Variants in EPAS1 observed in about 807,000 individuals in gnomAD.
The protein encoded by EPAS1 is endothelial PAS domain protein 1.
A neutral mutation model predicts 87.9 loss-of-function variants in EPAS1; 23 were observed. The ratio of observed to expected loss-of-function variants is 0.26; its 90% CI spans 0.19 to 0.37. EPAS1 has a LOEUF of 0.37. Ranked by LOEUF, EPAS1 falls within the 10% of genes least tolerant of loss-of-function variation. EPAS1 has a pLI of 1.00. For synonymous variants in EPAS1, 508 were observed against 444.3 expected (o/e 1.14, Z -1.80); for missense variants, 1,138 against 1,120.7 (o/e 1.02, Z -0.22).
chr2:46,307,621 A>G (rs752819964), intron 1 of EPAS1, among the ~76,000 whole-genome samples: 1 of 152,152 alleles, frequency 6.6e-6, no homozygotes, highest in Non-Finnish European at 1.5e-5. Flanking sequence ...GTCATGGCCA[A>G]GACATCTAAA....
chr2:46,330,730 A>G (rs1021906520), intron 1 of EPAS1, among the ~76,000 whole-genome samples: 1 of 152,218 alleles, frequency 6.6e-6, no homozygotes, highest in African/African-American at 2.4e-5. Context: ...GGCTGAGGGC[A>G]CCTTGGGACA....
chr2:46,335,121 G>C (rs1246420893), intron 1 of EPAS1, among the ~76,000 whole-genome samples: 2 of 152,038 alleles, frequency 1.3e-5, no homozygotes, highest in Non-Finnish European at 2.9e-5. Context: ...GGAGAGTGAG[G>C]GATCCCGTGC....
Position 46,372,083 on chromosome 2 carries a change from C to T in EPAS1, c.886+2150C>T, listed in dbSNP as rs183558529. Among the ~76,000 whole-genome samples the T allele has an allele frequency of 2.0e-5, 3 of 152,300 alleles. No homozygotes were observed. In the East Asian group the frequency reaches 5.8e-4, roughly 29 times the overall value. ...TCTAGGGAAAATAAGGTGCTTTTTACTGAATCCGTGTATTTACTTATTAGG... is the reference window on the plus strand; with the variant it reads ...TCTAGGGAAAATAAGGTGCTTTTTATTGAATCCGTGTATTTACTTATTAGG... On this transcript the variant is annotated intron_variant, in intron 7 of 15. Transcript: ENST00000263734.
At chr2:46,304,137 T>C in intron 1 of EPAS1, among the ~76,000 whole-genome samples, 1 of 152,252 alleles carries the variant, frequency 6.6e-6, no homozygotes, top group Non-Finnish European at 1.5e-5. Context: ...TAGGAATGTA[T>C]GTGGTCTTAA....
chr2:46,363,613 AG>A (rs1480092825), intron 6 of EPAS1, among the ~76,000 whole-genome samples: 1 of 152,240 alleles, frequency 6.6e-6, no homozygotes, highest in African/African-American at 2.4e-5. Context: ...AAATGTACAT[AG>A]AAAGGGGAAA....
chr2:46,322,395 G>A (rs193013076), intron 1 of EPAS1, among the ~76,000 whole-genome samples: 35 of 152,254 alleles, frequency 2.3e-4, no homozygotes, highest in Middle Eastern at 6.8e-3. Context: ...TGTAAGTGCC[G>A]CAGGACTTAT....
At position 46,312,552 on chromosome 2, in the gene EPAS1, T is replaced by A. The variant is rs544384102; in HGVS notation, c.26+14615T>A. 1.7e-4 allele frequency among the ~76,000 whole-genome samples: 26 copies of A among 152,320 alleles called. 2 individuals carry two copies. The South Asian group carries it at 5.4e-3, about 32-fold the overall frequency. Reference sequence around the variant, plus strand: ...AAAGGGCAGACCTTCAAGGCATCATTATTAACAAGCACAGCAATATAATCA... The same window carrying A: ...AAAGGGCAGACCTTCAAGGCATCATAATTAACAAGCACAGCAATATAATCA... On this transcript the variant is annotated intron_variant, in intron 1 of 15. Transcript: ENST00000263734.
Position 46,384,657 on chromosome 2 carries a change from C to G in EPAS1, c.2610C>G (p.Thr870=). The part of the protein sequence containing the change: ...GDLLRALDQA[T] ...TCCTCAGAGCCCTGGACCAGGCCACCTGAGCCAGGCCTTCTACCTGGGCAG... is the reference window on the plus strand; with the variant it reads ...TCCTCAGAGCCCTGGACCAGGCCACGTGAGCCAGGCCTTCTACCTGGGCAG... The change falls in exon 16 of 16, where the codon ACC becomes ACG. Residue 870 remains threonine (T), a synonymous_variant. Coordinates refer to ENST00000263734, the MANE Select transcript of EPAS1 (RefSeq NM_001430.5). The G allele has an allele frequency of 6.2e-7, 1 of 1,613,668 alleles. No individual in the cohort carries two copies. The highest frequency in any genetic ancestry group is 8.5e-7 in the Non-Finnish European group (1 of 1,179,994).
At chr2:46,356,475 G>C (rs1558600392) in intron 3 of EPAS1, among the ~76,000 whole-genome samples, 173 bp downstream of exon 3, 1 of 152,146 alleles carries the variant, frequency 6.6e-6, no homozygotes, top group South Asian at 2.1e-4. Context: ...CAAGCATTGG[G>C]TTTGGCTTTG....
At position 46,377,994 on chromosome 2, in the gene EPAS1, G is replaced by A. The variant is rs200476418; in HGVS notation, c.1350G>A (p.Glu450=). 3.2e-6 allele frequency: 5 copies of A among 1,586,600 alleles called. No individual in the cohort carries two copies. Among genetic ancestry groups the A allele is most frequent in the Non-Finnish European group, 4.3e-6 (5 of 1,166,312 alleles). Residue 450 remains glutamate, a synonymous_variant, in exon 10 of 16, where the codon GAG becomes GAA. Coordinates refer to ENST00000263734, the MANE Select transcript of EPAS1 (RefSeq NM_001430.5). ...TGAGGAGCCACAGCACCCAGAGCGA[G>A]GCTGGGAGCCTGCCTGCCTTCACCG... ...TELRSHSTQS[E]AGSLPAFTVP...
At chr2:46,313,702 T>C (rs936953236) in intron 1 of EPAS1, among the ~76,000 whole-genome samples, 1 of 152,144 alleles carries the variant, frequency 6.6e-6, no homozygotes, top group Admixed American at 6.5e-5. Context: ...CTGCCCGCCT[T>C]GGCCTCCCAA....
In EPAS1 at chr2:46,375,939, C is replaced by T. The variant is rs7556760; in HGVS notation, c.1034+102C>T. On this transcript the variant is annotated intron_variant, in intron 8 of 15. Coordinates refer to ENST00000263734, the MANE Select transcript of EPAS1 (RefSeq NM_001430.5). This position sits in a 1 kb window ranked among gnomAD's most constrained non-coding sequence, Gnocchi z 4.1. ...GCCTAGGAGATGCCAGGCCTCTCAG[C>T]GCCCTGGGCACCACCTCAGGGAGGT... 7.5e-3 allele frequency: 11,246 copies of T among 1,508,222 alleles called. 709 individuals are homozygous for T. The African/African-American group carries it at 0.13, about 18-fold the overall frequency. 93.4% of individuals were successfully genotyped at this position (1,508,222 alleles called of 1,614,324 possible). A position where few individuals can be genotyped will look rare whatever the true frequency, so the allele number is the denominator to read the frequency against.
chr2:46,328,559 C>T (rs1057287295), intron 1 of EPAS1, among the ~76,000 whole-genome samples: 2 of 152,222 alleles, frequency 1.3e-5, no homozygotes, highest in African/African-American at 2.4e-5. Context: ...TTGAGAGCAG[C>T]AGACCACAAA....
intron 1 of EPAS1, among the ~76,000 whole-genome samples, chr2:46,313,401 C>CTGTTT (rs1221000113): frequency 1.3e-5 from 2 of 151,998 alleles, no homozygotes; most frequent in Admixed American, 6.6e-5. Context: ...CCCTCCTGTT[C>CTGTTT]TGTTTTGTTT....
In EPAS1 at chr2:46,375,573, C is replaced by T. The variant is rs566521853; in HGVS notation, c.887-117C>T. On this transcript the variant is annotated intron_variant, in intron 7 of 15. Transcript: ENST00000263734. The surrounding 1 kb of genome is among the most constrained non-coding windows in gnomAD (Gnocchi z 4.1). ...CTCTCCCTGGTCCTCACTGTCGTGG[C>T]GCCCTGTTCTGTCTGTTCCCCTGCA... 4.8e-5 allele frequency: 62 copies of T among 1,297,066 alleles called. No homozygotes were observed. In the East Asian group the frequency reaches 8.8e-4, roughly 19 times the overall value. The allele number at this position is 1,297,066 out of a possible 1,614,324, so 80.3% of individuals were successfully genotyped here.
chr2:46,384,393 A>C (rs916689406), intron 15 of EPAS1, 116 bp from the exon 16 acceptor site: 3 of 1,435,142 alleles, frequency 2.1e-6, no homozygotes, highest in Admixed American at 1.7e-5. Context: ...GACACCACTG[A>C]AGGAGCAGAG....
intron 1 of EPAS1, among the ~76,000 whole-genome samples, chr2:46,311,556 C>T (rs1268162912): frequency 1.3e-5 from 2 of 152,216 alleles, no homozygotes; most frequent in African/African-American, 4.8e-5. Context: ...TACCTTCTCA[C>T]AGCTCCAGGT....
chr2:46,376,809 T>G (rs555041095), intron 9 of EPAS1, 56 bp downstream of exon 9: 1 of 1,582,836 alleles, frequency 6.3e-7, no homozygotes, highest in East Asian at 2.2e-5. Context: ...CTGGGAAGAG[T>G]TCTTACTATA....
chr2:46,326,080 C>T (rs548776078), intron 1 of EPAS1, among the ~76,000 whole-genome samples: 1 of 152,306 alleles, frequency 6.6e-6, no homozygotes, highest in African/African-American at 2.4e-5. Flanking sequence ...TGATTCTGTG[C>T]TGCTGGGATT....
Sources: allele counts gnomAD v4.1 joint callset (sites outside exome capture counted in the v4.1 genomes callset), GRCh38; gene constraint gnomAD v4.1.1; non-coding constraint Gnocchi (gnomAD v3.1); transcripts MANE v1.5; gene names NCBI Gene and HGNC (gene_info 2026-07-23, HGNC 2026-07-21).